Variants in BNIP2 observed in about 807,000 individuals in gnomAD.
BNIP2 encodes the protein BCL2/adenovirus E1B 19 kDa protein-interacting protein 2.
A neutral mutation model predicts 43.4 loss-of-function variants in BNIP2; 36 were observed. That is an observed-to-expected ratio of 0.83 (90% CI 0.64 to 1.10). The LOEUF (loss-of-function observed/expected upper bound fraction) is 1.10, where lower values mean the gene tolerates loss of function less well. Among genes scored for constraint, BNIP2 ranks in the 50% least tolerant of loss-of-function variants. The pLI, the probability that BNIP2 is intolerant of heterozygous loss-of-function variation, is 0.00. For synonymous variants in BNIP2, 146 were observed against 121.0 expected (o/e 1.21, Z -1.35); for missense variants, 417 against 374.1 (o/e 1.11, Z -0.95).
intron 1 of BNIP2, among the ~76,000 whole-genome samples, chr15:59,686,554 T>TC (rs1204515624): frequency 6.6e-6 from 1 of 152,178 alleles, no homozygotes; most frequent in East Asian, 1.9e-4. Context: ...GCCTTTCACT[T>TC]CCCCATTTAA....
chr15:59,682,675 A>G (rs1398726839), intron 1 of BNIP2, among the ~76,000 whole-genome samples, 161 bp from the exon 2 acceptor site: 1 of 152,052 alleles, frequency 6.6e-6, no homozygotes, highest in African/African-American at 2.4e-5. Flanking sequence ...TTTTAAAGAA[A>G]AGAGAATACT....
rs190876497 is a variant in BNIP2, at chr15:59,661,285, G to A, written c.*2784C>T. The A allele has an allele frequency of 5.0e-5, 7 of 141,094 alleles. No individual in the cohort carries two copies. The East Asian group carries it at 1.1e-3, about 22-fold the overall frequency. 8.7% of individuals were successfully genotyped at this position (141,094 alleles called of 1,614,324 possible). On this transcript the variant is annotated 3_prime_UTR_variant, in exon 10 of 10. Transcript: ENST00000607373. ...GCAGAGGTTGCAGTGAGCCAGGATT[G>A]CGCCACTGCACTCCAGAATGGGTGA...
intron 6 of BNIP2, chr15:59,672,435 G>A (rs1892993095): frequency 2.3e-6 from 1 of 431,760 alleles, no homozygotes; most frequent in Non-Finnish European, 4.2e-6. Context: ...TACCATGCCT[G>A]GCTAATTTTT....
chr15:59,669,434 T>A (rs1433476619), intron 7 of BNIP2, 72 bp from the exon 8 acceptor site: 3 of 1,102,602 alleles, frequency 2.7e-6, no homozygotes, highest in African/African-American at 1.6e-5. Flanking sequence ...TGCTGCAAGT[T>A]TATACAAAAT....
intron 5 of BNIP2, among the ~76,000 whole-genome samples, 153 bp from the exon 6 acceptor site, chr15:59,672,892 T>C (rs1477023232): frequency 2.0e-5 from 3 of 152,200 alleles, no homozygotes; most frequent in Admixed American, 2.0e-4. Flanking sequence ...TATGGTCTTA[T>C]ATAGAATTTT....
rs1475303226 is a variant in BNIP2 at position 59,669,268 on chromosome 15, A to G, written c.794+8T>C. 1.3e-6 allele frequency: 2 copies of G among 1,530,480 alleles called. No individual in the cohort carries two copies. The highest frequency in any genetic ancestry group is 1.3e-5 in the South Asian group (1 of 76,362). The allele number at this position is 1,530,480 out of a possible 1,614,324, so 94.8% of individuals were successfully genotyped here. A position where few individuals can be genotyped will look rare whatever the true frequency, so the allele number is the denominator to read the frequency against. On this transcript the variant is annotated splice_region_variant and intron_variant, in intron 8 of 9. Coordinates refer to ENST00000607373, the MANE Select transcript of BNIP2 (RefSeq NM_004330.4). ...ATAAAATTAAAGTCAATGGCTCTCAAAAATTACCTAATAAATGGTCTTGTA... is the reference window on the plus strand; with the variant it reads ...ATAAAATTAAAGTCAATGGCTCTCAGAAATTACCTAATAAATGGTCTTGTA...
chr15:59,680,979 A>C (rs1034367227), intron 2 of BNIP2, among the ~76,000 whole-genome samples: 5 of 152,230 alleles, frequency 3.3e-5, no homozygotes, highest in African/African-American at 9.6e-5. Flanking sequence ...GTAGATATAA[A>C]TTCCTTATGC....
Position 59,660,783 on chromosome 15 carries a change from G to GAAAAAATA in BNIP2, c.*3285_*3286insTATTTTTT, listed in dbSNP as rs1892214026. 1 of 151,812 alleles carries GAAAAAATA rather than the reference G, an allele frequency of 6.6e-6. No homozygotes were observed. Among genetic ancestry groups the GAAAAAATA allele is most frequent in the Non-Finnish European group, 1.5e-5 (1 of 67,996 alleles). 9.4% of individuals were successfully genotyped at this position (151,812 alleles called of 1,614,324 possible). ...TCAATGTTCAGCAACAGTGAAATAT[G>GAAAAAATA]AAAAAACAAAAAAACCAACCAAAAA... On this transcript the variant is annotated 3_prime_UTR_variant, in exon 10 of 10. Coordinates refer to ENST00000607373, the MANE Select transcript of BNIP2 (RefSeq NM_004330.4).
chr15:59,688,690 T>C (rs1595712710), intron 1 of BNIP2: 1 of 1,533,608 alleles, frequency 6.5e-7, no homozygotes. Flanking sequence ...CCTGATTACT[T>C]ATGCTGCTTC....
At chr15:59,684,511 C>A (rs1200507745) in intron 1 of BNIP2, among the ~76,000 whole-genome samples, 8 of 152,310 alleles carry the variant, frequency 5.3e-5, no homozygotes, top group Non-Finnish European at 1.0e-4. Context: ...CCCACAATTA[C>A]AATCAACAAG....
At chr15:59,687,005 A>C (rs1168780851) in intron 1 of BNIP2, among the ~76,000 whole-genome samples, 2 of 152,196 alleles carry the variant, frequency 1.3e-5, no homozygotes, top group South Asian at 2.1e-4. Flanking sequence ...TGACAGAGCG[A>C]GACTGCATCT....
In BNIP2 at chr15:59,677,986, A is replaced by G. The variant is rs1566971377; in HGVS notation, c.397T>C (p.Phe133Leu). 1.2e-6 allele frequency: 2 copies of G among 1,613,926 alleles called. No homozygotes were observed. Among genetic ancestry groups the G allele is most frequent in the Non-Finnish European group, 8.5e-7 (1 of 1,179,852 alleles). The change falls in exon 5 of 10, where the codon TTC (phenylalanine) becomes CTC (leucine). Residue 133 changes from phenylalanine (F) to leucine (L), a missense_variant. Transcript: ENST00000607373. ...CTGTGGTCCTGTTCTCCAATCCTGAACATACGCCAGCGTCGTCCATCTTCT... is the reference window on the plus strand; with the variant it reads ...CTGTGGTCCTGTTCTCCAATCCTGAGCATACGCCAGCGTCGTCCATCTTCT... ...EKEDGRRWRM[F>L]RIGEQDHRVD...
intron 4 of BNIP2, chr15:59,678,320 A>C (rs1893441000): frequency 7.9e-7 from 1 of 1,260,258 alleles, no homozygotes; most frequent in Non-Finnish European, 1.0e-6. Context: ...AAAACCACCT[A>C]ATCATAGTGA....
chr15:59,668,691 A>G, intron 9 of BNIP2: 1 of 495,956 alleles, frequency 2.0e-6, no homozygotes, highest in Non-Finnish European at 3.6e-6. Flanking sequence ...TTCAACTGAC[A>G]GCCTGAAGAA....
Position 59,689,292 on chromosome 15 carries a change from TCGGCGG to T in BNIP2, c.-221_-216del. The T allele has an allele frequency of 1.3e-6, 2 of 1,546,102 alleles. No homozygotes were observed. ...ATCCCCCGGCCGCAGCGGTACGGCG[TCGGCGG>T]CAGCAGCTGACCCGGACACAGTGAG... On this transcript the variant is annotated 5_prime_UTR_variant, in exon 1 of 10. Coordinates refer to ENST00000607373, the MANE Select transcript of BNIP2 (RefSeq NM_004330.4).
intron 1 of BNIP2, chr15:59,688,818 C>T (rs1894192292): frequency 6.5e-7 from 1 of 1,534,906 alleles, no homozygotes; most frequent in Non-Finnish European, 8.7e-7. Flanking sequence ...TCACCCACAC[C>T]AGGGTAAAAG....
At chr15:59,682,631 G>T in intron 1 of BNIP2, 117 bp from the exon 2 acceptor site, 5 of 725,302 alleles carry the variant, frequency 6.9e-6, no homozygotes, top group South Asian at 3.7e-5. Flanking sequence ...GTCTGGTCAT[G>T]AAATTCATTT....
intron 4 of BNIP2, chr15:59,678,464 A>T: frequency 9.3e-7 from 1 of 1,069,860 alleles, no homozygotes; most frequent in South Asian, 2.7e-5. Flanking sequence ...GGTTACTTCA[A>T]GTAGCTATCT....
rs538581596 is a variant in BNIP2 at position 59,681,449 on chromosome 15, A to T, written c.50+959T>A. On this transcript the variant is annotated intron_variant, in intron 2 of 9. Transcript: ENST00000607373. The stretch of plus-strand genomic sequence containing the variant: ...TTTTTTGGTGGGGGGGAACCCACAA[A>T]TTTTTTTTTTTTTTTTTGAGATAGA... Among the ~76,000 whole-genome samples, 12 of 136,766 alleles carry T rather than the reference A, an allele frequency of 8.8e-5. No individual in the cohort carries two copies. The South Asian group carries it at 1.9e-3, about 21-fold the overall frequency. 89.7% of individuals were successfully genotyped at this position (136,766 alleles called of 152,430 possible). A position where few individuals can be genotyped will look rare whatever the true frequency, so the allele number is the denominator to read the frequency against.
Sources: gnomAD v4.1 joint callset for allele counts (sites outside exome capture counted in the v4.1 genomes callset) on GRCh38, gnomAD v4.1.1 for gene constraint, MANE v1.5 for transcripts, NCBI Gene and HGNC (gene_info 2026-07-23, HGNC 2026-07-21) for gene names.